Variants in PRUNE2 observed in about 807,000 individuals in gnomAD.
PRUNE2 encodes the protein protein prune homolog 2.
In PRUNE2, 164 loss-of-function variants were observed where a neutral mutation model predicts 252.0. That is an observed-to-expected ratio of 0.65 (90% confidence interval 0.57 to 0.74). The LOEUF is 0.74. Ranked by LOEUF, PRUNE2 falls within the 30% of genes least tolerant of loss-of-function variation. The pLI, the probability that PRUNE2 is intolerant of heterozygous loss-of-function variation, is 0.00. For synonymous variants in PRUNE2, 1,292 were observed against 1,350.2 expected, an observed-to-expected ratio of 0.96 and a Z score of 0.94; for missense variants, 3,495 against 3,711.0, an observed-to-expected ratio of 0.94 and a Z score of 1.51.
At chr9:76,756,883 G>T (rs1589046086) in intron 6 of PRUNE2, among the ~76,000 whole-genome samples, 1 of 104,750 alleles carries the variant, frequency 9.5e-6, no homozygotes, top group African/African-American at 3.7e-5. Flanking sequence ...TGCAGTATTT[G>T]CAGCATTTTT....
At position 76,638,226 on chromosome 9, in the gene PRUNE2, T is replaced by C; in HGVS notation, c.8791A>G (p.Ser2931Gly). Residue 2931 changes from serine (S) to glycine (G), a missense_variant, in exon 13 of 19, where the codon AGT becomes GGT. Coordinates refer to ENST00000376718, the MANE Select transcript of PRUNE2 (RefSeq NM_015225.3). Reference sequence around the variant, plus strand: ...ATGACATAGTGGTAATCCGCCCGACTGCTGTCTGGCAGAAAACAGGCGGCA... The same window carrying C: ...ATGACATAGTGGTAATCCGCCCGACCGCTGTCTGGCAGAAAACAGGCGGCA... ...VFAACFLPDS[S>G]RADYHYVMEN... is the part of the protein sequence containing the mutation. 1 of 1,613,792 alleles carries C rather than the reference T, an allele frequency of 6.2e-7. No homozygotes were observed. The highest frequency in any genetic ancestry group is 8.5e-7 in the Non-Finnish European group (1 of 1,179,728).
At position 76,804,755 on chromosome 9, in the gene PRUNE2, C is replaced by T. The variant is rs2056814823; in HGVS notation, c.756+18877G>A. Among the ~76,000 whole-genome samples the T allele has an allele frequency of 1.3e-5, 2 of 152,142 alleles. 1 individual carries two copies. Among genetic ancestry groups the T allele is most frequent in the South Asian group, 4.2e-4 (2 of 4,814 alleles). Reference sequence around the variant, plus strand: ...TCCTACATTTCCTTTTGGTTGGGGTCAGCATGAACTTGGCCATTCCTTGAC... The same window carrying T: ...TCCTACATTTCCTTTTGGTTGGGGTTAGCATGAACTTGGCCATTCCTTGAC... On this transcript the variant is annotated intron_variant, in intron 6 of 18. Transcript: ENST00000376718.
intron 11 of PRUNE2, among the ~76,000 whole-genome samples, chr9:76,647,087 GAT>G (rs1402181211): frequency 6.6e-6 from 1 of 152,100 alleles, no homozygotes; most frequent in African/African-American, 2.4e-5. Flanking sequence ...TACTTGGGAA[GAT>G]CACGTGAGCC....
At chr9:76,769,869 A>G (rs2052898562) in intron 6 of PRUNE2, among the ~76,000 whole-genome samples, 1 of 152,248 alleles carries the variant, frequency 6.6e-6, no homozygotes, top group Non-Finnish European at 1.5e-5. Context: ...TACCCTGAAC[A>G]TTCTGTCATA....
At chr9:76,843,132 A>G (rs915169538) in intron 4 of PRUNE2, among the ~76,000 whole-genome samples, 4 of 152,228 alleles carry the variant, frequency 2.6e-5, no homozygotes, top group African/African-American at 9.6e-5. Flanking sequence ...ATGGAATACT[A>G]TGCAGCCAAA....
At chr9:76,737,886 G>C (rs1486126017) in intron 6 of PRUNE2, 2 of 152,192 alleles carry the variant, frequency 1.3e-5, no homozygotes, top group Non-Finnish European at 2.9e-5. Flanking sequence ...TTTCTAAGCA[G>C]AACAATTTTT....
At chr9:76,819,499 C>G (rs2057908607) in intron 6 of PRUNE2, 1 of 152,160 alleles carries the variant, frequency 6.6e-6, no homozygotes, top group South Asian at 2.1e-4. Flanking sequence ...CTTATCCTAC[C>G]AACGCCTTGA....
intron 6 of PRUNE2, among the ~76,000 whole-genome samples, chr9:76,792,694 A>G (rs1282723550): frequency 6.6e-6 from 1 of 152,214 alleles, no homozygotes; most frequent in Non-Finnish European, 1.5e-5. Context: ...TTTATTAGCT[A>G]TTTAAGTCTT....
At chr9:76,642,758 T>A (rs1843101762) in intron 12 of PRUNE2, among the ~76,000 whole-genome samples, 1 of 152,176 alleles carries the variant, frequency 6.6e-6, no homozygotes, top group African/African-American at 2.4e-5. Flanking sequence ...CTTTAGCAAA[T>A]TCAGAAGTAA....
intron 3 of PRUNE2, among the ~76,000 whole-genome samples, chr9:76,849,739 T>G (rs2059853400): frequency 6.6e-6 from 1 of 151,980 alleles, no homozygotes; most frequent in South Asian, 2.1e-4. Context: ...GGCAAGAGAA[T>G]CGCTTGAACC....
At chr9:76,849,968 GAAGA>G (rs1364881989) in intron 3 of PRUNE2, among the ~76,000 whole-genome samples, 1 of 152,158 alleles carries the variant, frequency 6.6e-6, no homozygotes, top group African/African-American at 2.4e-5. Context: ...TGCCATAAGA[GAAGA>G]AAAAGATATT....
At chr9:76,691,631 T>A (rs1199222616) in intron 9 of PRUNE2, among the ~76,000 whole-genome samples, 4 of 152,138 alleles carry the variant, frequency 2.6e-5, no homozygotes, top group Non-Finnish European at 1.5e-5. Context: ...TAATAACATT[T>A]AAAAAATGCC....
At chr9:76,761,702 C>T (rs1343401) in intron 6 of PRUNE2, among the ~76,000 whole-genome samples, 14,208 of 152,176 alleles carry the variant, frequency 0.093, 1,043 homozygotes, top group East Asian at 0.4. Context: ...GGAAAACATA[C>T]ATAATTTTCA....
chr9:76,887,372 CCAT>C (rs2062167140), intron 1 of PRUNE2, among the ~76,000 whole-genome samples: 1 of 152,134 alleles, frequency 6.6e-6, no homozygotes, highest in Admixed American at 6.6e-5. Flanking sequence ...ATTGATATGG[CCAT>C]CAACAGAATA....
intron 6 of PRUNE2, among the ~76,000 whole-genome samples, chr9:76,790,389 T>C (rs1483290414): frequency 6.6e-6 from 1 of 152,188 alleles, no homozygotes; most frequent in Non-Finnish European, 1.5e-5. Flanking sequence ...AACTAGTTAA[T>C]GGGGAATTTT....
chr9:76,644,446 C>A lies in PRUNE2; in HGVS notation c.8728+293G>T, dbSNP rs566580186. Reference sequence around the variant, plus strand: ...TGGACTGATAAGAATGCCAAACAGACATTTAAATTAGACAACTATGACTTT... The same window carrying A: ...TGGACTGATAAGAATGCCAAACAGAAATTTAAATTAGACAACTATGACTTT... On this transcript the variant is annotated intron_variant, in intron 12 of 18. Transcript: ENST00000376718. 1.2e-5 allele frequency: 5 copies of A among 434,084 alleles called. No homozygotes were observed. In the East Asian group the frequency reaches 2.7e-4, roughly 23 times the overall value. The allele number at this position is 434,084 out of a possible 1,614,324, so 26.9% of individuals were successfully genotyped here. A position where few individuals can be genotyped will look rare whatever the true frequency, so the allele number is the denominator to read the frequency against.
chr9:76,773,631 G>A (rs1336277750), intron 6 of PRUNE2, among the ~76,000 whole-genome samples: 1 of 151,954 alleles, frequency 6.6e-6, no homozygotes, highest in Non-Finnish European at 1.5e-5. Context: ...TTTAGTACAG[G>A]AGGGGTTTTG....
In PRUNE2 at chr9:76,664,079, T is replaced by G. The variant is rs142484474; in HGVS notation, c.8277-8577A>C. ...ATTCTTTGACACTCTTTTCAAAAGG[T>G]GGAGCCTAATTTCCCGTCCCTTAAG... On this transcript the variant is annotated intron_variant, in intron 9 of 18. Coordinates refer to ENST00000376718, the MANE Select transcript of PRUNE2 (RefSeq NM_015225.3). Among the ~76,000 whole-genome samples, 369 of 152,348 alleles carry G rather than the reference T, an allele frequency of 2.4e-3. 3 individuals carry two copies. In the South Asian group the frequency reaches 0.036, roughly 15 times the overall value.
chr9:76,864,458 AATAAATAAAT>A (rs1478417482), intron 1 of PRUNE2, among the ~76,000 whole-genome samples: 1 of 147,342 alleles, frequency 6.8e-6, no homozygotes, highest in African/African-American at 2.7e-5. Context: ...GAAATACATA[AATAAATAAAT>A]ATAAATAAAT....
Sources: allele counts gnomAD v4.1 joint callset (sites outside exome capture counted in the v4.1 genomes callset), GRCh38; gene constraint gnomAD v4.1.1; transcripts MANE v1.5; gene names NCBI Gene and HGNC (gene_info 2026-07-23, HGNC 2026-07-21).